Variants in SPTAN1 observed in about 807,000 individuals in gnomAD.
SPTAN1 encodes spectrin alpha, non-erythrocytic 1.
Under a neutral mutation model 331.3 loss-of-function variants are expected in SPTAN1, and 61 were observed. The observed-to-expected ratio is 0.18, with a 90% CI of 0.15 to 0.23. SPTAN1 has a LOEUF of 0.23. SPTAN1 is among the 10% of genes least tolerant of loss of function. The pLI is 1.00. For missense variants in SPTAN1, 2,043 were observed against 3,147.9 expected (o/e 0.65, Z 8.40); for synonymous variants, 1,153 against 1,173.9 (o/e 0.98, Z 0.36).
chr9:128,608,308 G>A (rs1193144004), intron 34 of SPTAN1, 32 bp downstream of exon 34: 2 of 1,613,628 alleles, frequency 1.2e-6, no homozygotes, highest in African/African-American at 1.3e-5. Context: ...GTTGGAGTCT[G>A]GATTTTTCCT....
chr9:128,606,968 C>A (rs1855977043), intron 31 of SPTAN1, among the ~76,000 whole-genome samples: 1 of 152,070 alleles, frequency 6.6e-6, no homozygotes, highest in Non-Finnish European at 1.5e-5. Context: ...TCTCTCTTCC[C>A]CACCCACTAG....
At chr9:128,558,826 C>T (rs999039880) in intron 1 of SPTAN1, among the ~76,000 whole-genome samples, 1 of 152,062 alleles carries the variant, frequency 6.6e-6, no homozygotes, top group Non-Finnish European at 1.5e-5. Context: ...CTGACAGTTT[C>T]GGGTGAGAGG....
chr9:128,589,290 C>CTT (rs1171749676), intron 21 of SPTAN1, among the ~76,000 whole-genome samples: 213 of 126,950 alleles, frequency 1.7e-3, no homozygotes, highest in Middle Eastern at 8.5e-3. Context: ...TTTTTCTTTT[C>CTT]TTTTTTTTTT....
chr9:128,621,243 A>C lies in SPTAN1; in HGVS notation c.5819A>C (p.Asp1940Ala). The change falls in exon 45 of 57, where the codon GAC becomes GCC. Residue 1940 changes from aspartate (D) to alanine (A), a missense_variant. Physicochemically the swap from Asp to Ala is moderately radical, Grantham distance 126 (BLOSUM62 -2). This residue lies in a region of SPTAN1 where 323 missense variants were observed against 581.1 expected (regional missense o/e 0.56). Coordinates refer to ENST00000372739, the MANE Select transcript of SPTAN1 (RefSeq NM_001130438.3). ...AATGATGTCTGCACCAATGGACAAG[A>C]CCTCATTAAGAAGGTGAGTCCAGCC... ...RVNDVCTNGQ[D>A]LIKKNNHHEE... The C allele has an allele frequency of 6.2e-7, 1 of 1,613,458 alleles. No homozygotes were observed. Among genetic ancestry groups the C allele is most frequent in the East Asian group, 2.2e-5 (1 of 44,876 alleles).
chr9:128,613,820 G>A (rs769251271), intron 40 of SPTAN1, among the ~76,000 whole-genome samples: 3 of 151,344 alleles, frequency 2.0e-5, no homozygotes, highest in African/African-American at 7.3e-5. Context: ...TCCGGCCAAC[G>A]TGGTGAGACC....
intron 1 of SPTAN1, among the ~76,000 whole-genome samples, chr9:128,561,684 A>AAAAAAAAAAAAAAAAAAAAC (rs1849383299): frequency 6.8e-6 from 1 of 146,160 alleles, no homozygotes; most frequent in Non-Finnish European, 1.5e-5. Flanking sequence ...AAAAAAAAAA[A>AAAAAAAAAAAAAAAAAAAAC]AAAAGAATAT....
chr9:128,566,831 G>A lies in SPTAN1; in HGVS notation c.91G>A (p.Glu31Lys). ...CCTAGACCGATACCACCGCTTCAAGGAACTCTCAACCCTTAGGCGTCAGAA... is the reference window on the plus strand; with the variant it reads ...CCTAGACCGATACCACCGCTTCAAGAAACTCTCAACCCTTAGGCGTCAGAA... ...QVLDRYHRFK[E>K]LSTLRRQKLE... Residue 31 changes from glutamate to lysine, a missense_variant, in exon 2 of 57, where the codon GAA becomes AAA. Glu to Lys is a moderately conservative substitution (Grantham distance 56). Around this residue, in one of 12 missense-constraint regions of SPTAN1, gnomAD observed 1,038 missense variants for 1,531.5 expected, o/e 0.68. Transcript: ENST00000372739. 1 of 1,614,208 alleles carries A rather than the reference G, an allele frequency of 6.2e-7. No homozygotes were observed. The highest frequency in any genetic ancestry group is 8.5e-7 in the Non-Finnish European group (1 of 1,180,030).
intron 11 of SPTAN1, among the ~76,000 whole-genome samples, chr9:128,581,438 A>C (rs1038070859): frequency 6.8e-6 from 1 of 146,522 alleles, no homozygotes; most frequent in Non-Finnish European, 1.5e-5. Context: ...GTACCACCGC[A>C]CTCTAGCCTG....
Position 128,577,328 on chromosome 9 carries a change from A to G in SPTAN1, c.931-24A>G. 1 of 1,614,224 alleles carries G rather than the reference A, an allele frequency of 6.2e-7. No individual in the cohort carries two copies. The highest frequency in any genetic ancestry group is 8.5e-7 in the Non-Finnish European group (1 of 1,180,030). On this transcript the variant is annotated intron_variant, in intron 7 of 56. Coordinates refer to ENST00000372739, the MANE Select transcript of SPTAN1 (RefSeq NM_001130438.3). The surrounding 1 kb of genome is among the most constrained non-coding windows in gnomAD (Gnocchi z 4.2). ...ATAAGTTACCAAGGGTCAGGAGAAT[A>G]GTTCTGACGGAGTTCATTTCTAGGT...
intron 2 of SPTAN1, among the ~76,000 whole-genome samples, chr9:128,568,560 G>A (rs188015502): frequency 6.6e-5 from 10 of 152,280 alleles, no homozygotes; most frequent in African/African-American, 2.4e-4. Flanking sequence ...GACCATTGAT[G>A]GCCCTCGCTG....
At chr9:128,618,133 C>G in intron 43 of SPTAN1, 25 bp downstream of exon 43, 1 of 1,612,164 alleles carries the variant, frequency 6.2e-7, no homozygotes. Flanking sequence ...GCAGGAGCTC[C>G]CGGGAACAAG....
At position 128,592,847 on chromosome 9, in the gene SPTAN1, A is replaced by G. The variant is rs1041091524; in HGVS notation, c.3156-136A>G. On this transcript the variant is annotated intron_variant, in intron 22 of 56. Transcript: ENST00000372739. ...TCACTCATGACTTAGACTGCTCCTT[A>G]GACCTGTTGAATAACTCCATAGTTT... 29 of 801,646 alleles carry G rather than the reference A, an allele frequency of 3.6e-5. No individual in the cohort carries two copies. In the Admixed American group the frequency reaches 5.8e-4, roughly 16 times the overall value. The allele number at this position is 801,646 out of a possible 1,614,324, so 49.7% of individuals were successfully genotyped here.
chr9:128,592,873 C>T, intron 22 of SPTAN1, 110 bp from the exon 23 acceptor site: 2 of 999,546 alleles, frequency 2.0e-6, no homozygotes, highest in Non-Finnish European at 1.6e-6. Context: ...TCCATAGTTT[C>T]CCAACATTAA....
chr9:128,567,062 T>A lies in SPTAN1; in HGVS notation c.237+85T>A, dbSNP rs567133281. On this transcript the variant is annotated intron_variant, in intron 2 of 56. Transcript: ENST00000372739. ...AAATCAGACGAGGAAAGTTACTTAA[T>A]TATGACCTTGAGAGATTGGACAAGA... 74 of 1,581,282 alleles carry A rather than the reference T, an allele frequency of 4.7e-5. 1 individual carries two copies. The South Asian group carries it at 7.7e-4, about 16-fold the overall frequency.
At chr9:128,632,363 G>T (rs957926669) in intron 53 of SPTAN1, 40 bp downstream of exon 53, 1 of 1,613,514 alleles carries the variant, frequency 6.2e-7, no homozygotes, top group Admixed American at 1.7e-5. Context: ...GCCCAGAGCA[G>T]GGGGAGGAAA....
At position 128,600,209 on chromosome 9, in the gene SPTAN1, TAAGTC is replaced by T. The variant is rs138014028; in HGVS notation, c.3579+95_3579+99del. 1,789 of 1,384,966 alleles carry T rather than the reference TAAGTC, an allele frequency of 1.3e-3. 14 individuals are homozygous for T. The African/African-American group carries it at 0.021, about 17-fold the overall frequency. The allele number at this position is 1,384,966 out of a possible 1,614,324, so 85.8% of individuals were successfully genotyped here. ...TGTGCCTTTCTCTGAATATTCAGCT[TAAGTC>T]TTTAGTCATTTCTGGACTTGTTTGG... On this transcript the variant is annotated intron_variant, in intron 27 of 56. Coordinates refer to ENST00000372739, the MANE Select transcript of SPTAN1 (RefSeq NM_001130438.3).
intron 49 of SPTAN1, 53 bp downstream of exon 49, chr9:128,626,740 G>C: frequency 6.5e-7 from 1 of 1,538,604 alleles, no homozygotes; most frequent in East Asian, 2.4e-5. Context: ...GCCCTCTCTG[G>C]GCCCTGCTCA....
rs1018995927 is a variant in SPTAN1, at chr9:128,566,675, T to C, written c.-3-63T>C. 9.3e-6 allele frequency: 15 copies of C among 1,610,970 alleles called. No homozygotes were observed. In the East Asian group the frequency reaches 3.3e-4, roughly 36 times the overall value. ...AATTATTTCTTTCCTTCAGAGAGGC[T>C]AATTACTTTTCATCTATTTTGGTGC... is the stretch of plus-strand genomic sequence containing the variant. On this transcript the variant is annotated intron_variant, in intron 1 of 56. Transcript: ENST00000372739.
chr9:128,565,644 T>C (rs913188849), intron 1 of SPTAN1, among the ~76,000 whole-genome samples: 1 of 152,226 alleles, frequency 6.6e-6, no homozygotes, highest in Admixed American at 6.5e-5. Context: ...TAGGTGGATG[T>C]GGGGCAGCAC....
Sources: gnomAD v4.1 joint callset for allele counts (sites outside exome capture counted in the v4.1 genomes callset) on GRCh38, gnomAD v4.1.1 for gene constraint, gnomAD v4.1.1 regional missense constraint, Gnocchi (gnomAD v3.1) non-coding constraint, MANE v1.5 for transcripts, NCBI Gene and HGNC (gene_info 2026-07-23, HGNC 2026-07-21) for gene names.